Variants in CAST observed in about 807,000 individuals in gnomAD.
CAST encodes MIR583 host.
In CAST, 76 loss-of-function variants were observed where a neutral mutation model predicts 119.6. The observed-to-expected ratio is 0.64, with a 90% CI of 0.53 to 0.77. CAST has a LOEUF of 0.77. CAST is among the 30% of genes least tolerant of loss of function. The pLI, the probability that CAST is intolerant of heterozygous loss-of-function variation, is 0.00. For missense variants in CAST, 953 were observed against 946.5 expected (o/e 1.01, Z -0.09); for synonymous variants, 319 against 331.6 (o/e 0.96, Z 0.41).
chr5:95,990,637 A>G, the CAST span, among the ~76,000 whole-genome samples: 1 of 152,102 alleles, frequency 6.6e-6, no homozygotes, highest in African/African-American at 2.4e-5. Context: ...TTAACATTAT[A>G]ATGTCAAAAA....
chr5:96,174,011 G>A, the CAST span, among the ~76,000 whole-genome samples: 1 of 152,086 alleles, frequency 6.6e-6, no homozygotes, highest in Non-Finnish European at 1.5e-5. Context: ...CGAAGTGCTG[G>A]GATTACAGGT....
the CAST span, among the ~76,000 whole-genome samples, chr5:96,072,796 CT>C: frequency 6.6e-6 from 1 of 152,176 alleles, no homozygotes; most frequent in East Asian, 1.9e-4. Flanking sequence ...CTTTATCTCT[CT>C]CTTTGGTTAA....
the CAST span, among the ~76,000 whole-genome samples, chr5:96,226,161 T>G: frequency 6.6e-6 from 1 of 152,184 alleles, no homozygotes; most frequent in Non-Finnish European, 1.5e-5. Flanking sequence ...GCCCATTGGT[T>G]GTAGCTGCAG....
chr5:96,314,836 A>G, the CAST span, among the ~76,000 whole-genome samples: 2 of 152,240 alleles, frequency 1.3e-5, no homozygotes, highest in Non-Finnish European at 2.9e-5. Context: ...CTGACTTAAC[A>G]TAAAGTACAC....
the CAST span, among the ~76,000 whole-genome samples, chr5:96,382,789 A>G: frequency 6.6e-6 from 1 of 152,250 alleles, no homozygotes; most frequent in Non-Finnish European, 1.5e-5. Context: ...AGAAAGGAAG[A>G]GTAATCCATC....
intron 1 of CAST, among the ~76,000 whole-genome samples, chr5:96,651,311 C>T (rs905264565): frequency 6.6e-6 from 1 of 152,192 alleles, no homozygotes; most frequent in African/African-American, 2.4e-5. Context: ...CTGAGACATT[C>T]TAACGTGGGA....
At chr5:96,538,462 G>A (rs1010182267) in intron 1 of CAST, among the ~76,000 whole-genome samples, 1 of 152,090 alleles carries the variant, frequency 6.6e-6, no homozygotes, top group Non-Finnish European at 1.5e-5. Flanking sequence ...TCACTGAAAA[G>A]CATGCAGATT....
Position 96,757,610 on chromosome 5 carries a change from GC to G in CAST, c.1790del (p.Ala597ValfsTer65). 6.2e-7 allele frequency: 1 copy of G among 1,613,670 alleles called. No individual in the cohort carries two copies. Among genetic ancestry groups the G allele is most frequent in the Non-Finnish European group, 8.5e-7 (1 of 1,179,826 alleles). On this transcript the variant is annotated frameshift_variant, in exon 24 of 32. Transcript: ENST00000675179. LOFTEE classifies it high-confidence loss of function. ...CATGAGTGAAGACTTCCTTCTGGAT[GC>G]TTTGTCTGAGGACTTCTCTGGTCCA... ...PPMSEDFLLD[A>X]LSEDFSGPQN...
the CAST span, among the ~76,000 whole-genome samples, chr5:96,349,143 T>C: frequency 1.4e-5 from 2 of 144,692 alleles, 1 homozygote; most frequent in East Asian, 4.0e-4. Context: ...GACACTATTT[T>C]TTTTTTTTTT....
the CAST span, among the ~76,000 whole-genome samples, chr5:95,969,478 C>A: frequency 6.6e-6 from 1 of 152,002 alleles, no homozygotes; most frequent in African/African-American, 2.4e-5. Context: ...GGCTCTGTAT[C>A]ATTTGGGAAT....
chr5:96,293,364 C>T, the CAST span, among the ~76,000 whole-genome samples: 1 of 152,038 alleles, frequency 6.6e-6, no homozygotes, highest in African/African-American at 2.4e-5. Context: ...CTGCAACCTC[C>T]ACCTTCCGTT....
At chr5:96,474,664 T>C in the CAST span, among the ~76,000 whole-genome samples, 76 of 152,212 alleles carry the variant, frequency 5.0e-4, 1 homozygote, top group African/African-American at 1.8e-3. Flanking sequence ...CCATGGAAAC[T>C]TCCAGGCCCC....
chr5:96,322,803 A>T, the CAST span, among the ~76,000 whole-genome samples: 198 of 152,242 alleles, frequency 1.3e-3, no homozygotes, highest in African/African-American at 4.6e-3. Flanking sequence ...CATATCAGAA[A>T]ATTACTAGAT....
chr5:96,670,979 A>AT (rs967229924), intron 1 of CAST, among the ~76,000 whole-genome samples: 1 of 151,918 alleles, frequency 6.6e-6, no homozygotes, highest in African/African-American at 2.4e-5. Flanking sequence ...GCTCTTATTG[A>AT]TTTTTTTCAG....
chr5:96,282,654 A>G, the CAST span, among the ~76,000 whole-genome samples: 2 of 152,302 alleles, frequency 1.3e-5, no homozygotes, highest in East Asian at 3.9e-4. Flanking sequence ...GTATTTTAAA[A>G]CACTTTTAAG....
At chr5:96,312,178 A>G in the CAST span, among the ~76,000 whole-genome samples, 2 of 152,134 alleles carry the variant, frequency 1.3e-5, no homozygotes. Context: ...TTGATTGCAC[A>G]CAACAACCTT....
chr5:96,141,265 C>G, the CAST span, among the ~76,000 whole-genome samples: 2 of 152,102 alleles, frequency 1.3e-5, no homozygotes, highest in Non-Finnish European at 2.9e-5. Context: ...TAAAATAAAT[C>G]AGGAGACTTT....
intron 3 of CAST, among the ~76,000 whole-genome samples, chr5:96,702,625 T>C (rs1231604285): frequency 1.3e-5 from 2 of 152,230 alleles, no homozygotes; most frequent in Non-Finnish European, 2.9e-5. Context: ...ACACAGCACG[T>C]GGTCCGCATC....
At chr5:96,308,581 T>C in the CAST span, 1 of 152,054 alleles carries the variant, frequency 6.6e-6, no homozygotes, top group Non-Finnish European at 1.5e-5. Context: ...TTTCTCCCCA[T>C]CTTCATGGAT....
Sources: allele counts gnomAD v4.1 joint callset (sites outside exome capture counted in the v4.1 genomes callset), GRCh38; gene constraint gnomAD v4.1.1; transcripts MANE v1.5; gene names NCBI Gene and HGNC (gene_info 2026-07-23, HGNC 2026-07-21).